MSRA: variants seen among roughly 807,000 people sequenced by gnomAD.
The protein encoded by MSRA is mitochondrial peptide methionine sulfoxide reductase.
MSRA carries 54 observed loss-of-function variants against 31.3 expected under a neutral mutation model. The observed-to-expected ratio is 1.73, with a 90% CI of 1.39 to 2.17. The LOEUF is 2.17. Ranked by LOEUF, MSRA falls within the 30% of genes most tolerant of loss-of-function variation. The pLI is 0.00. For missense variants in MSRA, 507 were observed against 300.9 expected, an observed-to-expected ratio of 1.69 and a Z score of -5.07; for synonymous variants, 169 against 116.5, an observed-to-expected ratio of 1.45 and a Z score of -2.90.
At chr8:10,221,112 C>T (rs984180343) in intron 2 of MSRA, among the ~76,000 whole-genome samples, 1 of 152,186 alleles carries the variant, frequency 6.6e-6, no homozygotes, top group Non-Finnish European at 1.5e-5. Context: ...GTGTGGGGCT[C>T]TGCTTTCCCA....
chr8:10,114,135 A>G (rs1029920256), intron 1 of MSRA, among the ~76,000 whole-genome samples: 6 of 152,216 alleles, frequency 3.9e-5, no homozygotes, highest in African/African-American at 1.4e-4. Flanking sequence ...TGCAGCATGT[A>G]TCAGTATTCC....
At chr8:10,126,225 A>G (rs1005532553) in intron 1 of MSRA, among the ~76,000 whole-genome samples, 37 of 152,378 alleles carry the variant, frequency 2.4e-4, no homozygotes, top group African/African-American at 8.7e-4. Flanking sequence ...ACAACGTGAA[A>G]GAAGATGATG....
chr8:10,275,075 T>C (rs1245880957), intron 3 of MSRA, among the ~76,000 whole-genome samples: 1 of 148,248 alleles, frequency 6.7e-6, no homozygotes, highest in Non-Finnish European at 1.5e-5. Flanking sequence ...TTCATCAGTT[T>C]AGATATGAGA....
intron 3 of MSRA, among the ~76,000 whole-genome samples, chr8:10,294,394 G>A (rs187244084): frequency 6.6e-5 from 10 of 152,290 alleles, no homozygotes; most frequent in African/African-American, 2.2e-4. Context: ...AATGCCTCCC[G>A]TGGAGTTTTG....
At chr8:10,335,569 C>G (rs1802989436) in intron 5 of MSRA, among the ~76,000 whole-genome samples, 1 of 152,150 alleles carries the variant, frequency 6.6e-6, no homozygotes, top group Non-Finnish European at 1.5e-5. Context: ...AACAGATGAC[C>G]CCGGCGCCTG....
chr8:10,119,549 C>T (rs953778209), intron 1 of MSRA, among the ~76,000 whole-genome samples: 5 of 152,162 alleles, frequency 3.3e-5, no homozygotes, highest in African/African-American at 1.2e-4. Context: ...CGCTGATCAG[C>T]ACTTGGGTTA....
At chr8:10,277,024 A>G (rs1799356221) in intron 3 of MSRA, among the ~76,000 whole-genome samples, 1 of 152,162 alleles carries the variant, frequency 6.6e-6, no homozygotes, top group African/African-American at 2.4e-5. Flanking sequence ...AATTATAAAT[A>G]ATCTGTTAGC....
intron 1 of MSRA, among the ~76,000 whole-genome samples, chr8:10,201,883 C>T (rs554456253): frequency 6.6e-5 from 10 of 152,338 alleles, no homozygotes; most frequent in African/African-American, 2.4e-4. Context: ...AGAGGTTGTC[C>T]TCCCAGAGCA....
chr8:10,076,866 G>A (rs1199357066), intron 1 of MSRA, among the ~76,000 whole-genome samples: 2 of 151,980 alleles, frequency 1.3e-5, no homozygotes, highest in Admixed American at 6.6e-5. Context: ...GCAGAGGATG[G>A]GGGGCTGGGG....
In MSRA at chr8:10,190,217, C is replaced by T. The variant is rs541353606; in HGVS notation, c.143-17616C>T. 1.3e-4 allele frequency among the ~76,000 whole-genome samples: 20 copies of T among 152,220 alleles called. No individual in the cohort carries two copies. The East Asian group carries it at 2.5e-3, about 19-fold the overall frequency. On this transcript the variant is annotated intron_variant, in intron 1 of 5. Transcript: ENST00000317173. ...TTCTTTTGTGGGCATGAGGACCTTC[C>T]GTTGAGCCTGCCCCAGTCATGGCCC...
chr8:10,088,440 C>A (rs1450409499), intron 1 of MSRA, among the ~76,000 whole-genome samples: 1 of 152,102 alleles, frequency 6.6e-6, no homozygotes, highest in Non-Finnish European at 1.5e-5. Context: ...AGATGTCTAT[C>A]AAGGGAGGAA....
chr8:10,066,215 G>A (rs1797448568), intron 1 of MSRA, among the ~76,000 whole-genome samples: 1 of 152,050 alleles, frequency 6.6e-6, no homozygotes, highest in Admixed American at 6.5e-5. Context: ...TTGAACTCCT[G>A]ACCTCAGGAG....
chr8:10,348,728 C>G (rs1803946187), intron 5 of MSRA, among the ~76,000 whole-genome samples: 1 of 152,134 alleles, frequency 6.6e-6, no homozygotes. Flanking sequence ...TATTTATCTC[C>G]TTACTCATTA....
chr8:10,158,717 A>G (rs556139698), intron 1 of MSRA, among the ~76,000 whole-genome samples: 3 of 152,238 alleles, frequency 2.0e-5, no homozygotes, highest in African/African-American at 7.2e-5. Flanking sequence ...TTTTGTGTAG[A>G]CACGTTTTCC....
intron 1 of MSRA, among the ~76,000 whole-genome samples, chr8:10,086,242 G>A (rs1217364692): frequency 6.6e-6 from 1 of 152,194 alleles, no homozygotes. Flanking sequence ...GGGTGATGAG[G>A]CATGAATTGA....
chr8:10,398,652 T>C (rs2129182877), intron 5 of MSRA, among the ~76,000 whole-genome samples: 1 of 152,214 alleles, frequency 6.6e-6, no homozygotes, highest in East Asian at 1.9e-4. Flanking sequence ...AAATAAGTTC[T>C]CAGCTGCTAA....
chr8:10,129,970 G>T (rs773438437), intron 1 of MSRA, among the ~76,000 whole-genome samples: 1 of 152,172 alleles, frequency 6.6e-6, no homozygotes, highest in African/African-American at 2.4e-5. Context: ...ATATTAAAGT[G>T]TGAGTTTGTA....
chr8:10,073,680 C>T (rs1462997258), intron 1 of MSRA, among the ~76,000 whole-genome samples: 1 of 152,018 alleles, frequency 6.6e-6, no homozygotes, highest in Non-Finnish European at 1.5e-5. Flanking sequence ...TGCGGCCAGC[C>T]TCAGAAGAAA....
intron 3 of MSRA, among the ~76,000 whole-genome samples, chr8:10,285,331 T>C (rs1799876864): frequency 6.6e-6 from 1 of 152,238 alleles, no homozygotes; most frequent in Non-Finnish European, 1.5e-5. Flanking sequence ...GCATTTCCCT[T>C]ATTTTTTATT....
Sources: gnomAD v4.1 joint callset for allele counts (sites outside exome capture counted in the v4.1 genomes callset) on GRCh38, gnomAD v4.1.1 for gene constraint, MANE v1.5 for transcripts, NCBI Gene and HGNC (gene_info 2026-07-23, HGNC 2026-07-21) for gene names.